ZSWIM8: variants seen among roughly 807,000 people sequenced by gnomAD.
ZSWIM8 encodes the protein zinc finger SWIM domain-containing protein 8.
A neutral mutation model predicts 173.7 loss-of-function variants in ZSWIM8; 27 were observed. That is an observed-to-expected ratio of 0.16 (90% CI 0.11 to 0.21). ZSWIM8 has a LOEUF of 0.21. Among genes scored for constraint, ZSWIM8 ranks in the 10% least tolerant of loss-of-function variants. The pLI is 1.00. For missense variants in ZSWIM8, 1,627 were observed against 2,428.8 expected (o/e 0.67, Z 6.94); for synonymous variants, 958 against 962.0 (o/e 1.00, Z 0.08).
chr10:73,795,466 C>A (rs1183548327), intron 14 of ZSWIM8, 73 bp from the exon 15 acceptor site: 1 of 1,590,886 alleles, frequency 6.3e-7, no homozygotes, highest in African/African-American at 1.3e-5. Flanking sequence ...GGCTTGGGAA[C>A]CCTGGCCTCT....
intron 20 of ZSWIM8, among the ~76,000 whole-genome samples, chr10:73,798,679 G>A (rs899877481): frequency 6.6e-6 from 1 of 152,180 alleles, no homozygotes; most frequent in Non-Finnish European, 1.5e-5. Flanking sequence ...ATAAGGAAAT[G>A]GAGGCCTACG....
Position 73,789,139 on chromosome 10 carries a change from C to T in ZSWIM8, c.406C>T (p.Arg136Ter). 6.2e-7 allele frequency: 1 copy of T among 1,613,978 alleles called. No individual in the cohort carries two copies. Among genetic ancestry groups the T allele is most frequent in the Non-Finnish European group, 8.5e-7 (1 of 1,179,864 alleles). The change falls in exon 3 of 26, where the codon CGA becomes TGA. Residue 136 changes from arginine (R) to a stop codon, truncating the protein, a stop_gained. Coordinates refer to ENST00000604729, the MANE Select transcript of ZSWIM8 (RefSeq NM_001367799.1). LOFTEE classifies it high-confidence loss of function. This position sits in a 1 kb window ranked among gnomAD's most constrained non-coding sequence, Gnocchi z 6.8. ...CAATGGCAGTGCGGATGAGTTTCAG[C>T]GAGGGGATCAGCTCTTCCGCATGCG... is the stretch of plus-strand genomic sequence containing the variant. ...LANGSADEFQ[R>*]GDQLFRMRAV...
chr10:73,797,735 T>A lies in ZSWIM8; in HGVS notation c.3663-46T>A, dbSNP rs886486879. The A allele has an allele frequency of 1.3e-6, 2 of 1,585,584 alleles. No individual in the cohort carries two copies. The highest frequency in any genetic ancestry group is 3.5e-5 in the Admixed American group (2 of 56,764). ...CCTTCCCAACCTACCCGGATGCCCA[T>A]TTCAAAGAAACCCCAACCCCCGTCC... On this transcript the variant is annotated intron_variant, in intron 18 of 25. Coordinates refer to ENST00000604729, the MANE Select transcript of ZSWIM8 (RefSeq NM_001367799.1). This position sits in a 1 kb window ranked among gnomAD's most constrained non-coding sequence, Gnocchi z 5.6.
chr10:73,793,539 T>C (rs1249687648), intron 10 of ZSWIM8, 49 bp from the exon 11 acceptor site: 1 of 1,530,378 alleles, frequency 6.5e-7, no homozygotes, highest in Non-Finnish European at 8.8e-7. Context: ...GATGTCCTGC[T>C]CCTGGAAGTT....
chr10:73,793,778 GCCCCA>G, intron 11 of ZSWIM8, 59 bp downstream of exon 11: 1 of 1,345,326 alleles, frequency 7.4e-7, no homozygotes, highest in Non-Finnish European at 9.8e-7. Flanking sequence ...CTGCTCCCAT[GCCCCA>G]CCCCAAGTGA....
chr10:73,793,495 G>A (rs2083495872), intron 10 of ZSWIM8, 93 bp from the exon 11 acceptor site: 3 of 1,416,514 alleles, frequency 2.1e-6, no homozygotes, highest in Non-Finnish European at 2.9e-6. Context: ...CATGTAGCAA[G>A]TGTTCAAGGA....
intron 1 of ZSWIM8, chr10:73,786,469 T>G (rs2083231119): frequency 5.0e-6 from 1 of 199,494 alleles, no homozygotes; most frequent in African/African-American, 2.3e-5. Flanking sequence ...TTGGGAATAC[T>G]TAAGTGAGTT....
At chr10:73,790,353 G>T in intron 7 of ZSWIM8, 61 bp downstream of exon 7, 26 of 1,536,880 alleles carry the variant, frequency 1.7e-5, no homozygotes, top group Non-Finnish European at 2.3e-5. Context: ...TCAGGCTGAT[G>T]ACAGATCCTT....
In ZSWIM8 at chr10:73,791,855, A is replaced by T; in HGVS notation, c.1320-4A>T. 2 of 1,502,528 alleles carry T rather than the reference A, an allele frequency of 1.3e-6. No homozygotes were observed. The highest frequency in any genetic ancestry group is 1.8e-6 in the Non-Finnish European group (2 of 1,116,796). The allele number at this position is 1,502,528 out of a possible 1,614,324, so 93.1% of individuals were successfully genotyped here. ...CAGCAGCCTCCTGCCCCTTGTTCCC[A>T]CAGGCGCCGGGAACTGTGTACGCAG... On this transcript the variant is annotated splice_region_variant and splice_polypyrimidine_tract_variant and intron_variant, in intron 9 of 25. Coordinates refer to ENST00000604729, the MANE Select transcript of ZSWIM8 (RefSeq NM_001367799.1). The surrounding 1 kb of genome is among the most constrained non-coding windows in gnomAD (Gnocchi z 6.0).
rs759232614 is a variant in ZSWIM8 at position 73,789,587 on chromosome 10, C to T, written c.630+48C>T. 113 of 1,590,132 alleles carry T rather than the reference C, an allele frequency of 7.1e-5. No individual in the cohort carries two copies. Among genetic ancestry groups the T allele is most frequent in the Non-Finnish European group, 9.1e-5 (106 of 1,168,246 alleles). On this transcript the variant is annotated intron_variant, in intron 4 of 25. Transcript: ENST00000604729. This position sits in a 1 kb window ranked among gnomAD's most constrained non-coding sequence, Gnocchi z 6.8. ...CGGCCCTATCCTACACTCCATCCCC[C>T]CCTTCTCTGCTGCATGCCTGGCTAC... is the stretch of plus-strand genomic sequence containing the variant.
At position 73,792,557 on chromosome 10, in the gene ZSWIM8, T is replaced by G. The variant is rs1345976756; in HGVS notation, c.2018T>G (p.Val673Gly). The G allele has an allele frequency of 6.2e-7, 1 of 1,614,008 alleles. No homozygotes were observed. Among genetic ancestry groups the G allele is most frequent in the African/African-American group, 1.3e-5 (1 of 75,056 alleles). The change falls in exon 10 of 26, where the codon GTG (valine) becomes GGG (glycine). Residue 673 changes from valine (V) to glycine (G), a missense_variant. Val to Gly is a moderately radical substitution (Grantham distance 109, BLOSUM62 -3). Coordinates refer to ENST00000604729, the MANE Select transcript of ZSWIM8 (RefSeq NM_001367799.1). The surrounding 1 kb of genome is among the most constrained non-coding windows in gnomAD (Gnocchi z 4.3). Reference protein sequence around the residue: ...PPDTYEEDGGVYFSEGPEPPT... With the variant: ...PPDTYEEDGGGYFSEGPEPPT... ...GATACTTATGAAGAAGATGGTGGTGTGTACTTCTCGGAAGGGCCTGAGCCT... is the reference window on the plus strand; with the variant it reads ...GATACTTATGAAGAAGATGGTGGTGGGTACTTCTCGGAAGGGCCTGAGCCT...
rs765626920 is a variant in ZSWIM8, at chr10:73,801,393, C to T, written c.5379C>T (p.Ser1793=). 22 of 1,613,874 alleles carry T rather than the reference C, an allele frequency of 1.4e-5. No homozygotes were observed. The highest frequency in any genetic ancestry group is 1.3e-4 in the Admixed American group (8 of 60,000). ...TGAATGCGATCCGGAGTGCCCGCAG[C>T]GCCTTCTGCCTGACGCCCATGGGCA... ...DFVNAIRSAR[S]AFCLTPMGMM... is the part of the protein sequence containing the mutation. Residue 1793 remains serine, a synonymous_variant, in exon 26 of 26, where the codon AGC becomes AGT. Coordinates refer to ENST00000604729, the MANE Select transcript of ZSWIM8 (RefSeq NM_001367799.1). The surrounding 1 kb of genome is among the most constrained non-coding windows in gnomAD (Gnocchi z 4.9).
In ZSWIM8 at chr10:73,785,980, C is replaced by T. The variant is rs760789704; in HGVS notation, c.102C>T (p.Ala34=). ...EDSLCSFISE[A]ESLCQNWRGW... Reference sequence around the variant, plus strand: ...CACTCTGTTCCTTCATCTCCGAGGCCGAGAGCCTCTGCCAGAACTGGCGGG... The same window carrying T: ...CACTCTGTTCCTTCATCTCCGAGGCTGAGAGCCTCTGCCAGAACTGGCGGG... The change falls in exon 1 of 26, where the codon GCC becomes GCT. Residue 34 remains alanine, a synonymous_variant. Coordinates refer to ENST00000604729, the MANE Select transcript of ZSWIM8 (RefSeq NM_001367799.1). The T allele has an allele frequency of 1.9e-6, 3 of 1,597,166 alleles. No individual in the cohort carries two copies. Among genetic ancestry groups the T allele is most frequent in the South Asian group, 1.1e-5 (1 of 88,302 alleles).
At position 73,791,946 on chromosome 10, in the gene ZSWIM8, G is replaced by A. The variant is rs749172123; in HGVS notation, c.1407G>A (p.Glu469=). Residue 469 remains glutamate (E), a synonymous_variant, in exon 10 of 26, where the codon GAG becomes GAA. Coordinates refer to ENST00000604729, the MANE Select transcript of ZSWIM8 (RefSeq NM_001367799.1). The surrounding 1 kb of genome is among the most constrained non-coding windows in gnomAD (Gnocchi z 6.0). Reference sequence around the variant, plus strand: ...GGGGCCAACACAAGAAGACGCTGGAGCGGCTCTTCCCCGGCTTCCGGCCAG... The same window carrying A: ...GGGGCCAACACAAGAAGACGCTGGAACGGCTCTTCCCCGGCTTCCGGCCAG... ...VKRGQHKKTL[E]RLFPGFRPAV... The A allele has an allele frequency of 8.4e-6, 13 of 1,551,580 alleles. No homozygotes were observed. Among genetic ancestry groups the A allele is most frequent in the South Asian group, 1.2e-5 (1 of 84,068 alleles).
chr10:73,797,681 T>G lies in ZSWIM8; in HGVS notation c.3662+76T>G. ...CACACCCCTAGTGCAATCCAACCAT[T>G]GTCTCCCAGCATCCTCACTTTCCCT... On this transcript the variant is annotated intron_variant, in intron 18 of 25. Coordinates refer to ENST00000604729, the MANE Select transcript of ZSWIM8 (RefSeq NM_001367799.1). The surrounding 1 kb of genome is among the most constrained non-coding windows in gnomAD (Gnocchi z 5.6). 6.4e-7 allele frequency: 1 copy of G among 1,571,358 alleles called. No homozygotes were observed. Among genetic ancestry groups the G allele is most frequent in the South Asian group, 1.2e-5 (1 of 86,204 alleles).
In ZSWIM8 at chr10:73,794,255, G is replaced by A. The variant is rs1466574019; in HGVS notation, c.2734G>A (p.Gly912Arg). Residue 912 changes from glycine to arginine, a missense_variant, in exon 13 of 26, where the codon GGG becomes AGG. By Grantham distance (125) the Gly-to-Arg change is moderately radical. Coordinates refer to ENST00000604729, the MANE Select transcript of ZSWIM8 (RefSeq NM_001367799.1). Reference protein sequence around the residue: ...MRCRAEELREGTLCDYRPVLP... With the variant: ...MRCRAEELRERTLCDYRPVLP... ...GTGCCGGGCAGAGGAACTTCGGGAG[G>A]GGACACTCTGTGACTATCGGCCTGT... 6.2e-7 allele frequency: 1 copy of A among 1,613,892 alleles called. No homozygotes were observed. The highest frequency in any genetic ancestry group is 8.5e-7 in the Non-Finnish European group (1 of 1,179,902).
intron 15 of ZSWIM8, among the ~76,000 whole-genome samples, chr10:73,796,134 G>A (rs571352757): frequency 6.6e-6 from 1 of 151,866 alleles, no homozygotes; most frequent in East Asian, 1.9e-4. Flanking sequence ...AAGCAGAGGC[G>A]GGAGGATCGT....
chr10:73,794,226 T>C lies in ZSWIM8; in HGVS notation c.2705T>C (p.Met902Thr). The C allele has an allele frequency of 1.2e-6, 2 of 1,614,006 alleles. No homozygotes were observed. Among genetic ancestry groups the C allele is most frequent in the Non-Finnish European group, 1.7e-6 (2 of 1,179,886 alleles). The part of the protein sequence containing the change: ...IPLGPSEMST[M>T]RCRAEELREG... ...CTGGGTCCAAGTGAGATGAGTACCA[T>C]GCGGTGCCGGGCAGAGGAACTTCGG... The change falls in exon 13 of 26, where the codon ATG becomes ACG. Residue 902 changes from methionine (M) to threonine (T), a missense_variant. Transcript: ENST00000604729.
In ZSWIM8 at chr10:73,794,329, A is replaced by G. The variant is rs2083529816; in HGVS notation, c.2808A>G (p.Pro936=). 8.1e-6 allele frequency: 13 copies of G among 1,613,582 alleles called. No individual in the cohort carries two copies. The East Asian group carries it at 2.9e-4, about 36-fold the overall frequency. Residue 936 remains proline, a splice_region_variant and synonymous_variant, in exon 13 of 26, where the codon CCA becomes CCG. Coordinates refer to ENST00000604729, the MANE Select transcript of ZSWIM8 (RefSeq NM_001367799.1). ...ASFIFDVLCA[P]VVSPTGSRPP... is the part of the protein sequence containing the mutation. Reference sequence around the variant, plus strand: ...TCATCTTTGACGTTCTCTGTGCTCCAGGTATGATGCCTGACCCTACAGTAA... The same window carrying G: ...TCATCTTTGACGTTCTCTGTGCTCCGGGTATGATGCCTGACCCTACAGTAA...
Sources: gnomAD v4.1 joint callset for allele counts (sites outside exome capture counted in the v4.1 genomes callset) on GRCh38, gnomAD v4.1.1 for gene constraint, Gnocchi (gnomAD v3.1) non-coding constraint, MANE v1.5 for transcripts, NCBI Gene and HGNC (gene_info 2026-07-23, HGNC 2026-07-21) for gene names.